Variants in DUOX1 observed in about 807,000 individuals in gnomAD.
The protein encoded by DUOX1 is dual oxidase 1.
In DUOX1, 134 loss-of-function variants were observed where a neutral mutation model predicts 181.8. The observed-to-expected ratio is 0.74, with a 90% CI of 0.64 to 0.85. The LOEUF (loss-of-function observed/expected upper bound fraction) is 0.85, where lower values mean the gene tolerates loss of function less well. Among genes scored for constraint, DUOX1 ranks in the 40% least tolerant of loss-of-function variants. DUOX1 has a pLI of 0.00. For synonymous variants in DUOX1, 798 were observed against 832.5 expected (o/e 0.96, Z 0.71); for missense variants, 1,814 against 2,064.4 (o/e 0.88, Z 2.35).
At chr15:45,150,289 G>C (rs1330653230) in intron 21 of DUOX1, 1 of 253,574 alleles carries the variant, frequency 3.9e-6, no homozygotes, top group Non-Finnish European at 7.5e-6. Flanking sequence ...TAAGCTAGAG[G>C]ATCTTAAGCC....
chr15:45,151,400 A>T, intron 23 of DUOX1, 152 bp downstream of exon 23: 2 of 1,050,334 alleles, frequency 1.9e-6, no homozygotes, highest in Non-Finnish European at 2.7e-6. Flanking sequence ...TAAGAAGAGA[A>T]TCTGGTACAC....
chr15:45,140,873 T>C, intron 12 of DUOX1, 22 bp from the exon 13 acceptor site: 1 of 1,611,726 alleles, frequency 6.2e-7, no homozygotes, highest in African/African-American at 1.3e-5. Context: ...TTTCTCTTAC[T>C]TCTGCCCCTT....
intron 4 of DUOX1, among the ~76,000 whole-genome samples, chr15:45,134,666 C>T (rs1275808910): frequency 3.3e-5 from 5 of 152,242 alleles, no homozygotes; most frequent in Admixed American, 3.3e-4. Context: ...TTAGGCATTG[C>T]CCCATGGCTT....
At chr15:45,142,357 CA>C (rs1288550304) in intron 15 of DUOX1, among the ~76,000 whole-genome samples, 1 of 152,200 alleles carries the variant, frequency 6.6e-6, no homozygotes, top group African/African-American at 2.4e-5. Context: ...GGTCAGGAGC[CA>C]GGGGGAATCT....
At chr15:45,149,514 T>C (rs1896751798) in intron 21 of DUOX1, among the ~76,000 whole-genome samples, 1 of 147,072 alleles carries the variant, frequency 6.8e-6, no homozygotes, top group Non-Finnish European at 1.5e-5. Context: ...TTAATTGTTA[T>C]TGACTCCAGA....
Position 45,142,088 on chromosome 15 carries a change from G to C in DUOX1, c.1798G>C (p.Gly600Arg). 1 of 1,613,970 alleles carries C rather than the reference G, an allele frequency of 6.2e-7. No homozygotes were observed. Among genetic ancestry groups the C allele is most frequent in the African/African-American group, 1.3e-5 (1 of 75,030 alleles). ...GSGFGFGVTI[G>R]TLCCFPLVSL... Reference sequence around the variant, plus strand: ...TGGATTTGGCTTCGGGGTCACCATCGGGACCCTCTGTTGCTTCCCTTTGGG... The same window carrying C: ...TGGATTTGGCTTCGGGGTCACCATCCGGACCCTCTGTTGCTTCCCTTTGGG... The change falls in exon 15 of 34, where the codon GGG (glycine) becomes CGG (arginine). Residue 600 changes from glycine to arginine, a missense_variant. Gly to Arg is a moderately radical substitution (Grantham distance 125). This residue lies in a region of DUOX1 where 1,064 missense variants were observed against 1,152.9 expected (regional missense o/e 0.92). Transcript: ENST00000389037.
intron 2 of DUOX1, among the ~76,000 whole-genome samples, chr15:45,132,953 T>TC (rs1437023288): frequency 2.0e-5 from 3 of 152,196 alleles, no homozygotes; most frequent in Admixed American, 1.3e-4. Context: ...TGAGTCATTT[T>TC]CCCCCCTGAC....
intron 20 of DUOX1, 72 bp downstream of exon 20, chr15:45,148,069 G>T (rs1896701813): frequency 1.4e-6 from 2 of 1,469,254 alleles, no homozygotes; most frequent in Non-Finnish European, 1.9e-6. Context: ...GGACCTGAAG[G>T]AGAGAGCAGA....
At chr15:45,142,557 C>A (rs1017680154) in intron 15 of DUOX1, among the ~76,000 whole-genome samples, 15 of 152,098 alleles carry the variant, frequency 9.9e-5, no homozygotes, top group African/African-American at 3.4e-4. Context: ...GAAACCATGT[C>A]TCTCCTAAAA....
intron 15 of DUOX1, 52 bp downstream of exon 15, chr15:45,142,164 C>T (rs567408939): frequency 1.3e-6 from 2 of 1,582,058 alleles, no homozygotes; most frequent in South Asian, 1.2e-5. Flanking sequence ...CTAGGGGATG[C>T]AGTTTGGGTG....
intron 10 of DUOX1, among the ~76,000 whole-genome samples, chr15:45,138,317 T>G (rs1055644156): frequency 2.6e-5 from 4 of 152,124 alleles, no homozygotes; most frequent in African/African-American, 9.7e-5. Flanking sequence ...CCTTCGTTGC[T>G]CCCTCTCACG....
Position 45,139,083 on chromosome 15 carries a change from T to A in DUOX1, c.1131T>A (p.Ser377Arg), listed in dbSNP as rs1272106036. ...CTATAAAGCACCCAAGCCTACAAAG[T>A]GCTGAAGATGTGGATGCACTGCTGC... ...YWSREHPSLQ[S>R]AEDVDALLLG... Residue 377 changes from serine (S) to arginine (R), a missense_variant, in exon 11 of 34, where the codon AGT becomes AGA. Physicochemically the swap from Ser to Arg is moderately radical, Grantham distance 110. Around this residue, in one of 5 missense-constraint regions of DUOX1, gnomAD observed 1,064 missense variants for 1,152.9 expected, o/e 0.92. Transcript: ENST00000389037. 6.2e-7 allele frequency: 1 copy of A among 1,614,012 alleles called. No homozygotes were observed. Among genetic ancestry groups the A allele is most frequent in the Non-Finnish European group, 8.5e-7 (1 of 1,179,954 alleles).
At chr15:45,151,040 A>G in intron 22 of DUOX1, 83 bp from the exon 23 acceptor site, 1 of 1,568,404 alleles carries the variant, frequency 6.4e-7, no homozygotes, top group Non-Finnish European at 8.7e-7. Context: ...CCTCAGCAGA[A>G]TGGGTTTGGA....
At chr15:45,141,764 G>GTGTA (rs1171719120) in intron 14 of DUOX1, among the ~76,000 whole-genome samples, 1 of 152,016 alleles carries the variant, frequency 6.6e-6, no homozygotes, top group Non-Finnish European at 1.5e-5. Context: ...GTGTGTGTGT[G>GTGTA]TGTGTGTGTG....
Position 45,164,943 on chromosome 15 carries a change from G to A in DUOX1, c.*42G>A. 1.2e-6 allele frequency: 2 copies of A among 1,606,288 alleles called. No homozygotes were observed. Among genetic ancestry groups the A allele is most frequent in the Non-Finnish European group, 1.7e-6 (2 of 1,173,434 alleles). Reference sequence around the variant, plus strand: ...TCTGCCCACTGCCCAGTTGAGCAGAGGTTTGAGCCCACACCTCACCTCTGT... The same window carrying A: ...TCTGCCCACTGCCCAGTTGAGCAGAAGTTTGAGCCCACACCTCACCTCTGT... On this transcript the variant is annotated 3_prime_UTR_variant, in exon 34 of 34. Transcript: ENST00000389037.
chr15:45,134,461 A>T, intron 4 of DUOX1, 152 bp downstream of exon 4: 1 of 800,850 alleles, frequency 1.2e-6, no homozygotes, highest in Non-Finnish European at 1.8e-6. Flanking sequence ...GTAGGGGTAG[A>T]AGCAGGTGGA....
chr15:45,138,601 G>C (rs1412079132), intron 10 of DUOX1: 1 of 162,924 alleles, frequency 6.1e-6, no homozygotes, highest in African/African-American at 2.4e-5. Context: ...GGGGAAGGGA[G>C]TGGGGAGGAA....
At chr15:45,157,339 G>C (rs577371527) in intron 28 of DUOX1, among the ~76,000 whole-genome samples, 1 of 152,262 alleles carries the variant, frequency 6.6e-6, no homozygotes, top group Non-Finnish European at 1.5e-5. Context: ...CTCGGCTACT[G>C]CTTCTGTTGG....
rs1346350385 is a variant in DUOX1 at position 45,151,926 on chromosome 15, C to G, written c.3067C>G (p.Gln1023Glu). 1.2e-6 allele frequency: 2 copies of G among 1,613,910 alleles called. No individual in the cohort carries two copies. The highest frequency in any genetic ancestry group is 1.7e-6 in the Non-Finnish European group (2 of 1,180,008). ...CACTGAGGCGCACCGAGAGAAGTTC[C>G]AACGCAGCTGTCTCCACCAGACGGT... Reference protein sequence around the residue: ...LFTEAHREKFQRSCLHQTVQQ... With the variant: ...LFTEAHREKFERSCLHQTVQQ... The change falls in exon 24 of 34, where the codon CAA becomes GAA. Residue 1023 changes from glutamine to glutamate, a missense_variant. Gln to Glu is a conservative substitution (Grantham distance 29). Transcript: ENST00000389037.
Sources: allele counts gnomAD v4.1 joint callset (sites outside exome capture counted in the v4.1 genomes callset), GRCh38; gene constraint gnomAD v4.1.1; regional missense constraint gnomAD v4.1.1; transcripts MANE v1.5; gene names NCBI Gene and HGNC (gene_info 2026-07-23, HGNC 2026-07-21).